Variants in MYO5C observed in about 807,000 individuals in gnomAD.
MYO5C encodes the protein unconventional myosin-Vc.
MYO5C carries 194 observed loss-of-function variants against 235.7 expected under a neutral mutation model. The observed-to-expected ratio is 0.82, with a 90% CI of 0.73 to 0.93. The LOEUF is 0.93. Ranked by LOEUF, MYO5C falls within the 40% of genes least tolerant of loss-of-function variation. MYO5C has a pLI of 0.00. For missense variants in MYO5C, 2,038 were observed against 2,127.2 expected (o/e 0.96, Z 0.82); for synonymous variants, 707 against 754.8 (o/e 0.94, Z 1.04).
rs547728347 is a variant in MYO5C, at chr15:52,275,433, C to T, written c.606+129G>A. ...AAATCCCACCAGCAAATAGGCTTCC[C>T]GGGTCTTTCCTGCCCTCACTTCTTT... On this transcript the variant is annotated intron_variant, in intron 5 of 40. Transcript: ENST00000261839. 102 of 1,136,648 alleles carry T rather than the reference C, an allele frequency of 9.0e-5. 2 individuals are homozygous for T. In the South Asian group the frequency reaches 1.3e-3, roughly 15 times the overall value. 70.4% of individuals were successfully genotyped at this position (1,136,648 alleles called of 1,614,324 possible). A position where few individuals can be genotyped will look rare whatever the true frequency, so the allele number is the denominator to read the frequency against.
chr15:52,246,079 G>A (rs773152663), intron 16 of MYO5C, 37 bp from the exon 17 acceptor site: 15 of 1,543,054 alleles, frequency 9.7e-6, no homozygotes, highest in East Asian at 2.3e-5. Context: ...TTGAGGCATC[G>A]TAATTGCTCA....
intron 35 of MYO5C, among the ~76,000 whole-genome samples, chr15:52,209,203 A>G (rs1036511135): frequency 6.6e-6 from 1 of 152,168 alleles, no homozygotes; most frequent in Non-Finnish European, 1.5e-5. Context: ...TCAGAGGGGA[A>G]AACAGAGAAA....
At chr15:52,271,971 C>T (rs894542678) in intron 6 of MYO5C, 127 bp from the exon 7 acceptor site, 11 of 514,666 alleles carry the variant, frequency 2.1e-5, no homozygotes, top group South Asian at 4.1e-5. Context: ...TGTGATCTGG[C>T]CAGTTCACAA....
At chr15:52,275,534 C>T (rs1367932151) in intron 5 of MYO5C, 28 bp downstream of exon 5, 6 of 1,612,942 alleles carry the variant, frequency 3.7e-6, no homozygotes, top group Non-Finnish European at 5.1e-6. Flanking sequence ...ATCACCAACA[C>T]CCAGCTGCCT....
At chr15:52,289,262 A>C (rs2037340528) in intron 1 of MYO5C, among the ~76,000 whole-genome samples, 1 of 147,634 alleles carries the variant, frequency 6.8e-6, no homozygotes, top group African/African-American at 2.5e-5. Context: ...GGAGAGTTCC[A>C]CCCAATTCCA....
At chr15:52,208,066 C>T (rs2035360750) in intron 36 of MYO5C, among the ~76,000 whole-genome samples, 1 of 152,174 alleles carries the variant, frequency 6.6e-6, no homozygotes, top group Non-Finnish European at 1.5e-5. Flanking sequence ...CACTGAAAAC[C>T]CTGAAAGCCA....
At chr15:52,278,162 T>C (rs1346578834) in intron 4 of MYO5C, 1 of 345,282 alleles carries the variant, frequency 2.9e-6, no homozygotes, top group Non-Finnish European at 5.7e-6. Context: ...CTATTCTCCA[T>C]ACTTTACAGA....
Position 52,247,028 on chromosome 15 carries a change from C to G in MYO5C, c.1882-14G>C, listed in dbSNP as rs2036364510. The stretch of plus-strand genomic sequence containing the variant: ...AGAGCTGCGGAACTAGGAAACAAAG[C>G]TAGAGATCAAACATGGCTCTGAAAT... On this transcript the variant is annotated splice_polypyrimidine_tract_variant and intron_variant, in intron 15 of 40. Transcript: ENST00000261839. 6.2e-7 allele frequency: 1 copy of G among 1,605,676 alleles called. No homozygotes were observed. Among genetic ancestry groups the G allele is most frequent in the African/African-American group, 1.3e-5 (1 of 74,752 alleles).
intron 8 of MYO5C, among the ~76,000 whole-genome samples, chr15:52,267,868 G>A (rs2140837752): frequency 6.6e-6 from 1 of 152,188 alleles, no homozygotes; most frequent in African/African-American, 2.4e-5. Flanking sequence ...GGCAGGGCAG[G>A]GCATATCCTT....
chr15:52,228,147 A>ATTTTTTTTTTTTTTTTTTTTTTTT (rs770508125), intron 25 of MYO5C, among the ~76,000 whole-genome samples: 1 of 145,750 alleles, frequency 6.9e-6, no homozygotes, highest in Non-Finnish European at 1.5e-5. Flanking sequence ...ACAGGTAACA[A>ATTTTTTTTTTTTTTTTTTTTTTTT]TTTTTTTTTT....
Position 52,223,616 on chromosome 15 carries a change from C to T in MYO5C, c.3555G>A (p.Lys1185=), listed in dbSNP as rs1236045832. 1 of 1,614,062 alleles carries T rather than the reference C, an allele frequency of 6.2e-7. No individual in the cohort carries two copies. Among genetic ancestry groups the T allele is most frequent in the Non-Finnish European group, 8.5e-7 (1 of 1,180,044 alleles). ...TGATGTCATTTTCTTCTCTGAATAA[C>T]TTCTGCAGGTGGTTGATTTCTTGAC... ...HLSQEINHLQ[K]LFREENDINE... The change falls in exon 29 of 41, where the codon AAG becomes AAA. Residue 1185 remains lysine, a synonymous_variant. Coordinates refer to ENST00000261839, the MANE Select transcript of MYO5C (RefSeq NM_018728.4).
In MYO5C at chr15:52,211,700, C is replaced by A. The variant is rs747976621; in HGVS notation, c.4296+30G>T. ...TCTGGTCATTCCCATAGATGTGATA[C>A]CAGGGGCCAATGTCAAAGGCATTTC... is the stretch of plus-strand genomic sequence containing the variant. On this transcript the variant is annotated intron_variant, in intron 35 of 40. Transcript: ENST00000261839. 16 of 1,605,734 alleles carry A rather than the reference C, an allele frequency of 1.0e-5. No individual in the cohort carries two copies. In the Admixed American group the frequency reaches 1.2e-4, roughly 12 times the overall value.
intron 5 of MYO5C, among the ~76,000 whole-genome samples, chr15:52,274,510 C>T (rs1332775265): frequency 2.6e-5 from 4 of 152,104 alleles, no homozygotes; most frequent in Non-Finnish European, 5.9e-5. Context: ...AACTTCTGAG[C>T]TCAAGCAATC....
intron 29 of MYO5C, among the ~76,000 whole-genome samples, chr15:52,223,010 G>C (rs1393353364): frequency 6.6e-6 from 1 of 152,032 alleles, no homozygotes; most frequent in Non-Finnish European, 1.5e-5. Context: ...TTAGCTGACC[G>C]TGATGGTGGG....
At chr15:52,211,060 G>T (rs1011051) in intron 35 of MYO5C, among the ~76,000 whole-genome samples, 1 of 151,948 alleles carries the variant, frequency 6.6e-6, no homozygotes, top group Non-Finnish European at 1.5e-5. Flanking sequence ...TGCTTGTCCA[G>T]TCATTCCAAT....
rs1188154527 is a variant in MYO5C, at chr15:52,237,698, G to C, written c.2704-52C>G. 11 of 1,550,950 alleles carry C rather than the reference G, an allele frequency of 7.1e-6. No homozygotes were observed. The African/African-American group carries it at 1.5e-4, about 21-fold the overall frequency. On this transcript the variant is annotated intron_variant, in intron 21 of 40. Transcript: ENST00000261839. ...AGAGGTTAATCCAAACAAAGATGCT[G>C]TTCCATTTAATTCTCATAGCCTTTG...
intron 19 of MYO5C, 125 bp downstream of exon 19, chr15:52,244,231 C>CGTCAAAGCCCT: frequency 1.2e-6 from 1 of 849,500 alleles, no homozygotes; most frequent in Non-Finnish European, 1.8e-6. Context: ...ACAAAGGGGA[C>CGTCAAAGCCCT]CCATGCACGT....
At chr15:52,274,320 C>T (rs957265338) in intron 5 of MYO5C, among the ~76,000 whole-genome samples, 2 of 152,198 alleles carry the variant, frequency 1.3e-5, no homozygotes, top group African/African-American at 4.8e-5. Flanking sequence ...GCTCTGTCAT[C>T]CAGGCTGGAG....
At chr15:52,198,552 G>GT (rs535562650) in intron 38 of MYO5C, among the ~76,000 whole-genome samples, 66 of 152,176 alleles carry the variant, frequency 4.3e-4, no homozygotes, top group Admixed American at 2.7e-3. Flanking sequence ...CTTTTGCTTA[G>GT]TTTTTGTTGT....
Sources: allele counts gnomAD v4.1 joint callset (sites outside exome capture counted in the v4.1 genomes callset), GRCh38; gene constraint gnomAD v4.1.1; transcripts MANE v1.5; gene names NCBI Gene and HGNC (gene_info 2026-07-23, HGNC 2026-07-21).